Variants in TMEM72 observed in about 807,000 individuals in gnomAD.
TMEM72 encodes the protein transmembrane protein 72.
A neutral mutation model predicts 16.3 loss-of-function variants in TMEM72; 9 were observed. The observed-to-expected ratio is 0.55, with a 90% CI of 0.33 to 0.96. The LOEUF (loss-of-function observed/expected upper bound fraction) is 0.96. Ranked by LOEUF, TMEM72 falls within the 40% of genes least tolerant of loss-of-function variation. The probability of loss-of-function intolerance (pLI) is 0.03; values close to 1 mark genes in which losing one functional copy is unlikely to be tolerated. For missense variants in TMEM72, 324 were observed against 337.8 expected (o/e 0.96, Z 0.32); for synonymous variants, 160 against 146.5 (o/e 1.09, Z -0.66).
At chr10:44,921,320 C>T (rs772058015) in intron 1 of TMEM72, among the ~76,000 whole-genome samples, 1 of 151,948 alleles carries the variant, frequency 6.6e-6, no homozygotes, top group Non-Finnish European at 1.5e-5. Context: ...AGCTGGGGAG[C>T]CTGAGGTGGG....
intron 1 of TMEM72, among the ~76,000 whole-genome samples, chr10:44,926,492 A>G (rs1186506239): frequency 6.6e-6 from 1 of 152,158 alleles, no homozygotes; most frequent in Non-Finnish European, 1.5e-5. Context: ...AGTGCTCTGT[A>G]AGTTTTGACT....
intron 1 of TMEM72, chr10:44,923,266 T>C (rs575466622): frequency 6.6e-6 from 1 of 152,346 alleles, no homozygotes; most frequent in Non-Finnish European, 1.5e-5. Context: ...ATTTGTCCTG[T>C]GCAATGCTGA....
In TMEM72 at chr10:44,935,069, C is replaced by T. The variant is rs758456832; in HGVS notation, c.763C>T (p.Pro255Ser). Residue 255 changes from proline to serine, a missense_variant, in exon 5 of 5, where the codon CCC becomes TCC. Pro to Ser is a moderately conservative substitution (Grantham distance 74). Transcript: ENST00000389583. ...AGAGGAGACCACCTCTGACACGACA[C>T]CCATCATTCCCCCTCCCCAGGCCCC... is the stretch of plus-strand genomic sequence containing the variant. Reference protein sequence around the residue: ...EPEETTSDTTPIIPPPQAPLF... With the variant: ...EPEETTSDTTSIIPPPQAPLF... The T allele has an allele frequency of 1.2e-6, 2 of 1,613,138 alleles. No individual in the cohort carries two copies. The highest frequency in any genetic ancestry group is 1.1e-5 in the South Asian group (1 of 90,978).
rs2132728858 is a variant in TMEM72 at position 44,931,837 on chromosome 10, C to T, written c.138-161C>T. ...CCAGCATGGCCCAGTCCGGAACACG[C>T]CATGTCCTGGAGACAGCCCGTGGTG... On this transcript the variant is annotated intron_variant, in intron 2 of 4. Transcript: ENST00000389583. The T allele has an allele frequency of 4.1e-6, 3 of 724,102 alleles. No individual in the cohort carries two copies. In the Admixed American group the frequency reaches 7.7e-5, roughly 19 times the overall value. 44.9% of individuals were successfully genotyped at this position (724,102 alleles called of 1,614,324 possible).
In TMEM72 at chr10:44,921,786, T is replaced by G. The variant is rs74337256; in HGVS notation, c.71-6135T>G. Among the ~76,000 whole-genome samples the G allele has an allele frequency of 6.0e-3, 918 of 152,294 alleles. 14 individuals are homozygous for G. The highest frequency in any genetic ancestry group is 0.021 in the African/African-American group (878 of 41,574). On this transcript the variant is annotated intron_variant, in intron 1 of 4. Coordinates refer to ENST00000389583, the MANE Select transcript of TMEM72 (RefSeq NM_001123376.3). ...AGAGGAGCTAGAAGCCCTCAGACTC[T>G]GGGCCTCCCAAATCTCTAGATGCCA... is the stretch of plus-strand genomic sequence containing the variant.
At chr10:44,924,478 G>A (rs570063551) in intron 1 of TMEM72, among the ~76,000 whole-genome samples, 7 of 152,284 alleles carry the variant, frequency 4.6e-5, no homozygotes, top group Middle Eastern at 3.4e-3. Context: ...TGGCCCAACC[G>A]GTAACCACAG....
chr10:44,911,451 C>A lies in TMEM72; in HGVS notation c.-62C>A. 1 of 1,513,174 alleles carries A rather than the reference C, an allele frequency of 6.6e-7. No homozygotes were observed. Among genetic ancestry groups the A allele is most frequent in the Non-Finnish European group, 8.9e-7 (1 of 1,118,376 alleles). 93.7% of individuals were successfully genotyped at this position (1,513,174 alleles called of 1,614,324 possible). ...CTACCTACACAAGGGTGTTCGGGAGCATCTCAGGGCCGAAGACTTTGCTGC... is the reference window on the plus strand; with the variant it reads ...CTACCTACACAAGGGTGTTCGGGAGAATCTCAGGGCCGAAGACTTTGCTGC... On this transcript the variant is annotated 5_prime_UTR_variant, in exon 1 of 5. Transcript: ENST00000389583.
Position 44,918,024 on chromosome 10 carries a change from G to T in TMEM72, c.70+6442G>T, listed in dbSNP as rs186622376. On this transcript the variant is annotated intron_variant, in intron 1 of 4. Transcript: ENST00000389583. Reference sequence around the variant, plus strand: ...TGGCTGAGGAAGCCTCACAATCATGGTAGAAGGCCAGGAGGAGCAAGTCAC... The same window carrying T: ...TGGCTGAGGAAGCCTCACAATCATGTTAGAAGGCCAGGAGGAGCAAGTCAC... 3.1e-3 allele frequency among the ~76,000 whole-genome samples: 475 copies of T among 152,294 alleles called. 2 individuals carry two copies. The highest frequency in any genetic ancestry group is 4.7e-3 in the Non-Finnish European group (317 of 68,020).
rs185088367 is a variant in TMEM72 at position 44,920,562 on chromosome 10, G to A, written c.71-7359G>A. Reference sequence around the variant, plus strand: ...AGAAGGGACCTCAAAGTAAATTAGTGAACAACAAGCAACACTGGTGCACAG... The same window carrying A: ...AGAAGGGACCTCAAAGTAAATTAGTAAACAACAAGCAACACTGGTGCACAG... On this transcript the variant is annotated intron_variant, in intron 1 of 4. Transcript: ENST00000389583. Among the ~76,000 whole-genome samples, 183 of 152,268 alleles carry A rather than the reference G, an allele frequency of 1.2e-3. 2 individuals carry two copies. The Middle Eastern group carries it at 0.014, about 11-fold the overall frequency.
intron 1 of TMEM72, chr10:44,920,077 G>T (rs1000455086): frequency 6.6e-6 from 1 of 152,220 alleles, no homozygotes; most frequent in African/African-American, 2.4e-5. Context: ...TTTCCCTGAG[G>T]TGTCTTTGGA....
At chr10:44,926,786 G>A (rs903206140) in intron 1 of TMEM72, among the ~76,000 whole-genome samples, 5 of 151,624 alleles carry the variant, frequency 3.3e-5, no homozygotes, top group South Asian at 2.1e-4. Context: ...CTCCATGATC[G>A]CCCCTCCCAC....
intron 1 of TMEM72, among the ~76,000 whole-genome samples, chr10:44,916,319 C>T (rs188825229): frequency 2.5e-4 from 38 of 152,272 alleles, no homozygotes; most frequent in Non-Finnish European, 5.1e-4. Flanking sequence ...AGGTTTTGAC[C>T]CATTAACCTG....
chr10:44,914,161 C>T (rs956933394), intron 1 of TMEM72, among the ~76,000 whole-genome samples: 1 of 152,194 alleles, frequency 6.6e-6, no homozygotes, highest in African/African-American at 2.4e-5. Flanking sequence ...CTTAGGATTC[C>T]TCGAAGTCCC....
In TMEM72 at chr10:44,934,814, A is replaced by G; in HGVS notation, c.508A>G (p.Thr170Ala). The G allele has an allele frequency of 1.2e-6, 2 of 1,613,492 alleles. No homozygotes were observed. Among genetic ancestry groups the G allele is most frequent in the Non-Finnish European group, 1.7e-6 (2 of 1,179,946 alleles). ...TGSGDTEQTYTFHGALKEGPS... is the reference protein window; with the variant it reads ...TGSGDTEQTYAFHGALKEGPS... ...CTCTGGGGACACAGAGCAAACCTAC[A>G]CTTTCCATGGGGCCCTCAAGGAGGG... Residue 170 changes from threonine (T) to alanine (A), a missense_variant, in exon 5 of 5, where the codon ACT (threonine) becomes GCT (alanine). Transcript: ENST00000389583.
chr10:44,923,519 T>G (rs978442480), intron 1 of TMEM72, among the ~76,000 whole-genome samples: 1 of 152,178 alleles, frequency 6.6e-6, no homozygotes, highest in African/African-American at 2.4e-5. Context: ...TAGCCAATTT[T>G]CCTGAGAGAT....
At chr10:44,932,122 A>T in intron 3 of TMEM72, 53 bp downstream of exon 3, 2 of 1,565,634 alleles carry the variant, frequency 1.3e-6, no homozygotes, top group Non-Finnish European at 1.7e-6. Context: ...CCCAGACACC[A>T]CAGATGTCTC....
intron 1 of TMEM72, among the ~76,000 whole-genome samples, chr10:44,920,672 A>G (rs1297662831): frequency 6.6e-6 from 1 of 151,926 alleles, no homozygotes; most frequent in Non-Finnish European, 1.5e-5. Context: ...TCCACTGGAG[A>G]ATACTGATGG....
Position 44,911,651 on chromosome 10 carries a change from G to A in TMEM72, c.70+69G>A, listed in dbSNP as rs987284586. The A allele has an allele frequency of 8.5e-5, 129 of 1,525,060 alleles. No individual in the cohort carries two copies. In the African/African-American group the frequency reaches 1.6e-3, roughly 19 times the overall value. The allele number at this position is 1,525,060 out of a possible 1,614,324, so 94.5% of individuals were successfully genotyped here. On this transcript the variant is annotated intron_variant, in intron 1 of 4. Transcript: ENST00000389583. ...CACAGATAGGGCTGCCTGAGGGGTGGGAGGTGGCCAGGAGACAGCAGGCAC... is the reference window on the plus strand; with the variant it reads ...CACAGATAGGGCTGCCTGAGGGGTGAGAGGTGGCCAGGAGACAGCAGGCAC...
chr10:44,911,946 C>T (rs535126269), intron 1 of TMEM72, among the ~76,000 whole-genome samples: 6 of 152,334 alleles, frequency 3.9e-5, no homozygotes, highest in South Asian at 2.1e-4. Flanking sequence ...GGCTGGGCTT[C>T]GCTGTGTATC....
Sources: gnomAD v4.1 joint callset for allele counts (sites outside exome capture counted in the v4.1 genomes callset) on GRCh38, gnomAD v4.1.1 for gene constraint, MANE v1.5 for transcripts, NCBI Gene and HGNC (gene_info 2026-07-23, HGNC 2026-07-21) for gene names.